SPTLC1: variants seen among roughly 807,000 people sequenced by gnomAD.
The protein encoded by SPTLC1 is serine palmitoyltransferase long chain base subunit 1, also known as serine palmitoyltransferase 1.
A neutral mutation model predicts 68.9 loss-of-function variants in SPTLC1; 55 were observed. The ratio of observed to expected loss-of-function variants is 0.80; its 90% confidence interval spans 0.64 to 1.00. SPTLC1 has a LOEUF of 1.00. Among genes scored for constraint, SPTLC1 ranks in the 50% least tolerant of loss-of-function variants. The pLI, the probability that SPTLC1 is intolerant of heterozygous loss-of-function variation, is 0.00. For missense variants in SPTLC1, 449 were observed against 573.1 expected (o/e 0.78, Z 2.21); for synonymous variants, 197 against 201.6 (o/e 0.98, Z 0.19).
chr9:92,104,138 T>G (rs531115744), intron 3 of SPTLC1, among the ~76,000 whole-genome samples: 100 of 152,274 alleles, frequency 6.6e-4, no homozygotes, highest in Non-Finnish European at 1.2e-3. Flanking sequence ...GAGAAGTGGG[T>G]GACTTCGGAG....
intron 8 of SPTLC1, among the ~76,000 whole-genome samples, chr9:92,052,521 GATTATT>G (rs202097590): frequency 2.0e-5 from 3 of 148,208 alleles, no homozygotes; most frequent in Non-Finnish European, 2.9e-5. Flanking sequence ...ATTAAACAAA[GATTATT>G]ATTATTATTT....
At chr9:92,067,334 T>G (rs1249839671) in intron 6 of SPTLC1, among the ~76,000 whole-genome samples, 1 of 151,128 alleles carries the variant, frequency 6.6e-6, no homozygotes, top group East Asian at 1.9e-4. Context: ...AAGAGGAAAT[T>G]AAAGTCAATT....
At chr9:92,049,546 A>C (rs1359467991) in intron 9 of SPTLC1, among the ~76,000 whole-genome samples, 2 of 152,200 alleles carry the variant, frequency 1.3e-5, no homozygotes, top group Non-Finnish European at 2.9e-5. Context: ...CCACAAACAC[A>C]TTATATAGAA....
intron 5 of SPTLC1, 113 bp from the exon 6 acceptor site, chr9:92,068,211 C>T: frequency 2.0e-6 from 2 of 994,552 alleles, no homozygotes; most frequent in East Asian, 2.6e-5. Flanking sequence ...CACCTTATGG[C>T]CAAAATGGAA....
chr9:92,109,841 A>C (rs1372654163), intron 2 of SPTLC1, among the ~76,000 whole-genome samples: 1 of 152,180 alleles, frequency 6.6e-6, no homozygotes, highest in Non-Finnish European at 1.5e-5. Flanking sequence ...GCGTGGTGGC[A>C]CATGCCTATA....
intron 11 of SPTLC1, 146 bp from the exon 12 acceptor site, chr9:92,046,199 C>T (rs1353191563): frequency 6.9e-6 from 5 of 727,296 alleles, no homozygotes; most frequent in Admixed American, 6.8e-5. Flanking sequence ...ACCCATACTC[C>T]CCTGAAGGCC....
chr9:92,031,419 A>G lies in SPTLC1; in HGVS notation c.*1046T>C, dbSNP rs766363634. The G allele has an allele frequency of 6.6e-6, 1 of 152,370 alleles. No individual in the cohort carries two copies. The highest frequency in any genetic ancestry group is 1.5e-5 in the Non-Finnish European group (1 of 68,020). 9.4% of individuals were successfully genotyped at this position (152,370 alleles called of 1,614,324 possible). Reference sequence around the variant, plus strand: ...TGATGGCATAATATTTATATGCTATATTGTGGCACGTATAACAAACCTTTA... The same window carrying G: ...TGATGGCATAATATTTATATGCTATGTTGTGGCACGTATAACAAACCTTTA... On this transcript the variant is annotated 3_prime_UTR_variant, in exon 15 of 15. Coordinates refer to ENST00000262554, the MANE Select transcript of SPTLC1 (RefSeq NM_006415.4).
intron 12 of SPTLC1, among the ~76,000 whole-genome samples, chr9:92,043,967 T>C (rs1367919648): frequency 6.6e-6 from 1 of 152,286 alleles, no homozygotes; most frequent in South Asian, 2.1e-4. Flanking sequence ...TCCTGTCACA[T>C]TGGCCTCTTT....
At chr9:92,037,042 G>A (rs1587902745) in intron 13 of SPTLC1, among the ~76,000 whole-genome samples, 1 of 152,174 alleles carries the variant, frequency 6.6e-6, no homozygotes, top group East Asian at 1.9e-4. Context: ...TAATGTAATT[G>A]ACTCTAGAAG....
intron 3 of SPTLC1, among the ~76,000 whole-genome samples, chr9:92,096,899 G>GA (rs141055978): frequency 0.046 from 6,922 of 148,872 alleles, 234 homozygotes; most frequent in Middle Eastern, 0.062. Context: ...CCCACAGAAT[G>GA]AAAAAAAAAA....
rs527642624 is a variant in SPTLC1, at chr9:92,105,917, C to T, written c.260+2823G>A. Among the ~76,000 whole-genome samples the T allele has an allele frequency of 1.3e-3, 200 of 149,788 alleles. 1 individual carries two copies. Among genetic ancestry groups the T allele is most frequent in the African/African-American group, 4.5e-3 (184 of 40,572 alleles). On this transcript the variant is annotated intron_variant, in intron 3 of 14. Transcript: ENST00000262554. ...CTGCGAAGTGAGGAGTGCCTCTGCCCGGCCTCCTCACCATCTGGGAAATGA... is the reference window on the plus strand; with the variant it reads ...CTGCGAAGTGAGGAGTGCCTCTGCCTGGCCTCCTCACCATCTGGGAAATGA...
intron 5 of SPTLC1, among the ~76,000 whole-genome samples, chr9:92,077,812 G>T (rs1834737083): frequency 6.6e-6 from 1 of 152,180 alleles, no homozygotes; most frequent in Non-Finnish European, 1.5e-5. Context: ...AGAATGGACA[G>T]ATGACCTTCT....
chr9:92,033,726 T>G (rs568014182), intron 14 of SPTLC1, among the ~76,000 whole-genome samples: 32 of 152,234 alleles, frequency 2.1e-4, no homozygotes, highest in Non-Finnish European at 3.8e-4. Context: ...TGGCTAATTT[T>G]TACAGAGATG....
intron 6 of SPTLC1, among the ~76,000 whole-genome samples, chr9:92,063,474 C>G (rs952419066): frequency 2.0e-5 from 3 of 152,140 alleles, no homozygotes. Flanking sequence ...CAAATAGCTC[C>G]ACAAAATAGA....
chr9:92,035,784 AG>A (rs1833120726), intron 13 of SPTLC1, among the ~76,000 whole-genome samples: 1 of 152,234 alleles, frequency 6.6e-6, no homozygotes, highest in Non-Finnish European at 1.5e-5. Flanking sequence ...GTAGGCTGCG[AG>A]GAAGAGATGG....
At chr9:92,055,344 C>CA in intron 8 of SPTLC1, 61 bp downstream of exon 8, 3 of 1,609,314 alleles carry the variant, frequency 1.9e-6, no homozygotes, top group Non-Finnish European at 2.5e-6. Flanking sequence ...CGGTCATAAA[C>CA]AAAAGGCACA....
chr9:92,047,276 GA>G lies in SPTLC1; in HGVS notation c.985-9del, dbSNP rs755969604. On this transcript the variant is annotated splice_polypyrimidine_tract_variant and intron_variant, in intron 10 of 14. Coordinates refer to ENST00000262554, the MANE Select transcript of SPTLC1 (RefSeq NM_006415.4). ...TCCCTGGCCGGAAAGTCGCTGAGAA[GA>G]AACAAATGAAGACATATACACATTC... 5.6e-6 allele frequency: 9 copies of G among 1,610,222 alleles called. No individual in the cohort carries two copies. The South Asian group carries it at 9.9e-5, about 18-fold the overall frequency.
At chr9:92,098,268 C>T (rs1310112710) in intron 3 of SPTLC1, among the ~76,000 whole-genome samples, 1 of 152,192 alleles carries the variant, frequency 6.6e-6, no homozygotes, top group Non-Finnish European at 1.5e-5. Context: ...TAGGGCGTGT[C>T]ACACTCAGAA....
intron 6 of SPTLC1, 33 bp downstream of exon 6, chr9:92,067,933 C>T: frequency 6.2e-7 from 1 of 1,607,262 alleles, no homozygotes; most frequent in Non-Finnish European, 8.5e-7. Flanking sequence ...TTCAAAGGAA[C>T]TGCTATTAGA....
Sources: allele counts gnomAD v4.1 joint callset (sites outside exome capture counted in the v4.1 genomes callset), GRCh38; gene constraint gnomAD v4.1.1; transcripts MANE v1.5; gene names NCBI Gene and HGNC (gene_info 2026-07-23, HGNC 2026-07-21).